The following LRP5 variants were observed in gnomAD, a reference collection of about 807,000 sequenced individuals.
The protein encoded by LRP5 is low-density lipoprotein receptor-related protein 5.
A neutral mutation model predicts 154.1 loss-of-function variants in LRP5; 62 were observed. The ratio of observed to expected loss-of-function variants is 0.40; its 90% CI spans 0.33 to 0.50. LRP5 has a LOEUF of 0.50. Among genes scored for constraint, LRP5 ranks in the 20% least tolerant of loss-of-function variants. LRP5 has a pLI of 0.55. For synonymous variants in LRP5, 966 were observed against 1,011.5 expected, an observed-to-expected ratio of 0.96 and a Z score of 0.85; for missense variants, 1,915 against 2,336.7, an observed-to-expected ratio of 0.82 and a Z score of 3.72.
chr11:68,340,131 T>C (rs113075921), intron 1 of LRP5, among the ~76,000 whole-genome samples: 1,866 of 152,172 alleles, frequency 0.012, 39 homozygotes, highest in African/African-American at 0.041. Flanking sequence ...TCCCAGCTAC[T>C]CAGGAGACTG....
chr11:68,420,963 A>G (rs1248349959), intron 13 of LRP5, among the ~76,000 whole-genome samples: 1 of 152,176 alleles, frequency 6.6e-6, no homozygotes, highest in East Asian at 1.9e-4. Context: ...GCGGTGGCTC[A>G]CGCCTGTAAT....
chr11:68,417,383 T>C (rs928742225), intron 13 of LRP5, among the ~76,000 whole-genome samples: 4 of 148,840 alleles, frequency 2.7e-5, no homozygotes, highest in Admixed American at 1.4e-4. Context: ...AAATTGTGCA[T>C]GAGCAAATGT....
intron 18 of LRP5, 45 bp downstream of exon 18, chr11:68,433,883 C>G (rs1019288725): frequency 6.4e-7 from 1 of 1,574,330 alleles, no homozygotes; most frequent in African/African-American, 1.3e-5. Context: ...CTGGCCCTGC[C>G]CTCCGGGATA....
chr11:68,311,362 G>GC (rs2098587706), upstream of LRP5, among the ~76,000 whole-genome samples: 1 of 152,146 alleles, frequency 6.6e-6, no homozygotes, highest in African/African-American at 2.4e-5. Flanking sequence ...CGACCAGGCT[G>GC]CCCTCTGCCC....
intron 21 of LRP5, among the ~76,000 whole-genome samples, chr11:68,441,301 C>T (rs2098678075): frequency 6.6e-6 from 1 of 152,110 alleles, no homozygotes; most frequent in Non-Finnish European, 1.5e-5. Flanking sequence ...TGGTCTCCAA[C>T]TCCTGGACTC....
intron 7 of LRP5, among the ~76,000 whole-genome samples, chr11:68,398,845 C>T (rs1221319633): frequency 6.6e-6 from 1 of 152,160 alleles, no homozygotes; most frequent in Non-Finnish European, 1.5e-5. Context: ...AGCGATCCTC[C>T]TGTCTCAGCC....
rs1224412673 is a variant in LRP5, at chr11:68,425,306, G to A, written c.3427+14G>A. On this transcript the variant is annotated intron_variant, in intron 15 of 22. Coordinates refer to ENST00000294304, the MANE Select transcript of LRP5 (RefSeq NM_002335.4). ...GTGACCTGTCAGGTACGCGCCCCGG[G>A]GCCTGCCCTAACCGCAGACACCCGG... The A allele has an allele frequency of 1.9e-6, 3 of 1,599,510 alleles. No individual in the cohort carries two copies. Among genetic ancestry groups the A allele is most frequent in the Non-Finnish European group, 2.5e-6 (3 of 1,178,046 alleles).
chr11:68,439,069 G>A (rs2098676664), intron 20 of LRP5, among the ~76,000 whole-genome samples: 2 of 152,208 alleles, frequency 1.3e-5, no homozygotes, highest in African/African-American at 2.4e-5. Flanking sequence ...TGTCTTGAGT[G>A]CAGCTGGGAT....
At chr11:68,300,419 G>A in the LRP5 span, among the ~76,000 whole-genome samples, 1 of 149,248 alleles carries the variant, frequency 6.7e-6, no homozygotes, top group African/African-American at 2.4e-5. Context: ...AATTGGTTTG[G>A]AGGAATCAGG....
At chr11:68,344,607 A>C (rs1206179833) in intron 1 of LRP5, among the ~76,000 whole-genome samples, 1 of 152,060 alleles carries the variant, frequency 6.6e-6, no homozygotes, top group Non-Finnish European at 1.5e-5. Flanking sequence ...GGTGTGAGCC[A>C]CCGTGCCCGG....
At chr11:68,322,918 G>A (rs2098597534) in intron 1 of LRP5, among the ~76,000 whole-genome samples, 1 of 152,216 alleles carries the variant, frequency 6.6e-6, no homozygotes, top group African/African-American at 2.4e-5. Flanking sequence ...TGAAGTCCCG[G>A]GTCCACGTGG....
chr11:68,369,152 A>G (rs2098632709), intron 5 of LRP5, among the ~76,000 whole-genome samples: 1 of 152,096 alleles, frequency 6.6e-6, no homozygotes, highest in Non-Finnish European at 1.5e-5. Context: ...CCTGAACAAT[A>G]TCTTATCAAG....
intron 7 of LRP5, among the ~76,000 whole-genome samples, chr11:68,391,494 A>G (rs2098646315): frequency 6.6e-6 from 1 of 152,190 alleles, no homozygotes; most frequent in Admixed American, 6.5e-5. Context: ...GGAGGCCCGA[A>G]TCAGGCAGCT....
In LRP5 at chr11:68,448,897, G is replaced by A. The variant is rs1424612091; in HGVS notation, c.4675G>A (p.Ala1559Thr). 6.2e-7 allele frequency: 1 copy of A among 1,613,608 alleles called. No individual in the cohort carries two copies. Residue 1559 changes from alanine (A) to threonine (T), a missense_variant, in exon 23 of 23, where the codon GCC (alanine) becomes ACC (threonine). By Grantham distance (58) the Ala-to-Thr change is moderately conservative. Transcript: ENST00000294304. ...DSDYSASRWK[A>T]SKYYLDLNSD... ...CGACTACAGCGCCAGCCGCTGGAAG[G>A]CCAGCAAGTACTACCTGGATTTGAA...
chr11:68,442,698 C>T (rs145575222), intron 21 of LRP5, among the ~76,000 whole-genome samples: 84 of 152,332 alleles, frequency 5.5e-4, no homozygotes, highest in African/African-American at 1.6e-3. Flanking sequence ...TCCCAGCTGC[C>T]GTGTGCACCC....
At chr11:68,344,477 C>G (rs939054833) in intron 1 of LRP5, among the ~76,000 whole-genome samples, 3 of 18 alleles carry the variant, frequency 0.17, no homozygotes, top group African/African-American at 0.3. Flanking sequence ...AGCCACCACG[C>G]CCCAGCTAAT....
chr11:68,377,612 T>G (rs2098638072), intron 5 of LRP5, among the ~76,000 whole-genome samples: 1 of 151,808 alleles, frequency 6.6e-6, no homozygotes, highest in Non-Finnish European at 1.5e-5. Flanking sequence ...ACAACAAAAA[T>G]AATCTGGCCG....
chr11:68,344,412 G>A (rs2098611003), intron 1 of LRP5, among the ~76,000 whole-genome samples: 1 of 152,040 alleles, frequency 6.6e-6, no homozygotes, highest in African/African-American at 2.4e-5. Context: ...TCCACTTCTC[G>A]GGTTCAAGTG....
intron 6 of LRP5, among the ~76,000 whole-genome samples, chr11:68,387,691 G>A (rs1489923112): frequency 6.6e-6 from 1 of 152,198 alleles, no homozygotes; most frequent in African/African-American, 2.4e-5. Flanking sequence ...GGCCTTCCTG[G>A]GGGCTCATAA....
Sources: allele counts gnomAD v4.1 joint callset (sites outside exome capture counted in the v4.1 genomes callset), GRCh38; gene constraint gnomAD v4.1.1; transcripts MANE v1.5; gene names NCBI Gene and HGNC (gene_info 2026-07-23, HGNC 2026-07-21).